The following EFNA2 variants were observed in gnomAD, a reference collection of about 807,000 sequenced individuals.
EFNA2 encodes the protein ephrin-A2.
In EFNA2, 18 loss-of-function variants were observed where a neutral mutation model predicts 19.7. The ratio of observed to expected loss-of-function variants is 0.91; its 90% CI spans 0.63 to 1.35. The LOEUF is 1.35. Ranked by LOEUF, EFNA2 falls within the 40% of genes most tolerant of loss-of-function variation. The pLI, the probability that EFNA2 is intolerant of heterozygous loss-of-function variation, is 0.00. For synonymous variants in EFNA2, 187 were observed against 137.8 expected (o/e 1.36, Z -2.50); for missense variants, 303 against 296.0 (o/e 1.02, Z -0.17).
rs1369905317 is a variant in EFNA2 at position 1,299,917 on chromosome 19, C to G, written c.614C>G (p.Pro205Arg). Residue 205 changes from proline (P) to arginine (R), a missense_variant, in exon 4 of 4, where the codon CCC (proline) becomes CGC (arginine). By Grantham distance (103) the Pro-to-Arg change is moderately radical (BLOSUM62 -2). Transcript: ENST00000215368. ...TGCCGCCTCTTCCTCAGCACCATCC[C>G]CGTGCTCTGGACCCTCCTGGGTTCC... ...GGCRLFLSTIPVLWTLLGS is the reference protein window; with the variant it reads ...GGCRLFLSTIRVLWTLLGS The G allele has an allele frequency of 6.2e-7, 1 of 1,604,576 alleles. No homozygotes were observed. The highest frequency in any genetic ancestry group is 8.5e-7 in the Non-Finnish European group (1 of 1,179,022).
Position 1,294,972 on chromosome 19 carries a change from G to A in EFNA2, c.141-573G>A, listed in dbSNP as rs1407044279. ...GGAGGGACAGCTCGTGCAGAGGCCC[G>A]GAGTCAGGAACCCCCCGCCGGCCCT... On this transcript the variant is annotated intron_variant, in intron 1 of 3. Coordinates refer to ENST00000215368, the MANE Select transcript of EFNA2 (RefSeq NM_001405.4). The surrounding 1 kb of genome is among the most constrained non-coding windows in gnomAD (Gnocchi z 5.8). Among the ~76,000 whole-genome samples the A allele has an allele frequency of 6.6e-6, 1 of 152,040 alleles. No individual in the cohort carries two copies. Among genetic ancestry groups the A allele is most frequent in the Non-Finnish European group, 1.5e-5 (1 of 67,990 alleles).
intron 1 of EFNA2, among the ~76,000 whole-genome samples, chr19:1,291,963 G>A (rs2081493605): frequency 6.6e-6 from 1 of 152,150 alleles, no homozygotes. Context: ...CCCGGCAGAG[G>A]GAACCCGGAG....
rs1352005701 is a variant in EFNA2 at position 1,286,624 on chromosome 19, C to A, written c.140+316C>A. Among the ~76,000 whole-genome samples, 4 of 152,154 alleles carry A rather than the reference C, an allele frequency of 2.6e-5. No homozygotes were observed. The highest frequency in any genetic ancestry group is 5.9e-5 in the Non-Finnish European group (4 of 68,002). On this transcript the variant is annotated intron_variant, in intron 1 of 3. Coordinates refer to ENST00000215368, the MANE Select transcript of EFNA2 (RefSeq NM_001405.4). This position sits in a 1 kb window ranked among gnomAD's most constrained non-coding sequence, Gnocchi z 5.6. The stretch of plus-strand genomic sequence containing the variant: ...TCTGGTACCCTCCGATGCCGGGTAG[C>A]CCCTGAGTTGCCTGCCTGGACTTGG...
In EFNA2 at chr19:1,295,506, C is replaced by T. The variant is rs1400702907; in HGVS notation, c.141-39C>T. On this transcript the variant is annotated intron_variant, in intron 1 of 3. Transcript: ENST00000215368. The surrounding 1 kb of genome is among the most constrained non-coding windows in gnomAD (Gnocchi z 5.8). Reference sequence around the variant, plus strand: ...GCACCCCGACCCGTGCCCCGTTCCTCGCTCCGGGCGCTGACCTCTGGCCGC... The same window carrying T: ...GCACCCCGACCCGTGCCCCGTTCCTTGCTCCGGGCGCTGACCTCTGGCCGC... 3 of 1,500,922 alleles carry T rather than the reference C, an allele frequency of 2.0e-6. No individual in the cohort carries two copies. The highest frequency in any genetic ancestry group is 1.3e-5 in the South Asian group (1 of 78,962). The allele number at this position is 1,500,922 out of a possible 1,614,324, so 93.0% of individuals were successfully genotyped here.
chr19:1,285,613 C>G (rs2081459552), upstream of EFNA2, among the ~76,000 whole-genome samples: 1 of 151,998 alleles, frequency 6.6e-6, no homozygotes, highest in Non-Finnish European at 1.5e-5. This position sits in a 1 kb window ranked among gnomAD's most constrained non-coding sequence, Gnocchi z 4.1. Context: ...CAGGGCCGGG[C>G]CGGGTGGAGC....
rs1371391106 is a variant in EFNA2 at position 1,300,133 on chromosome 19, A to G, written c.*188A>G. 5 of 805,836 alleles carry G rather than the reference A, an allele frequency of 6.2e-6. No individual in the cohort carries two copies. Among genetic ancestry groups the G allele is most frequent in the East Asian group, 3.3e-5 (1 of 29,858 alleles). The allele number at this position is 805,836 out of a possible 1,614,324, so 49.9% of individuals were successfully genotyped here. A position where few individuals can be genotyped will look rare whatever the true frequency, so the allele number is the denominator to read the frequency against. ...CCCAGGACCAGCCCTCAGGGAGGGG[A>G]AACGGCCGAGAGCCCCCCCCCGGAG... On this transcript the variant is annotated 3_prime_UTR_variant, in exon 4 of 4. Transcript: ENST00000215368.
Position 1,299,920 on chromosome 19 carries a change from T to C in EFNA2, c.617T>C (p.Val206Ala). 1 of 1,604,206 alleles carries C rather than the reference T, an allele frequency of 6.2e-7. No homozygotes were observed. The highest frequency in any genetic ancestry group is 8.5e-7 in the Non-Finnish European group (1 of 1,179,000). The part of the protein sequence containing the change: ...GCRLFLSTIP[V>A]LWTLLGS ...CGCCTCTTCCTCAGCACCATCCCCG[T>C]GCTCTGGACCCTCCTGGGTTCCTAG... Residue 206 changes from valine (V) to alanine (A), a missense_variant, in exon 4 of 4, where the codon GTG (valine) becomes GCG (alanine). By Grantham distance (64) the Val-to-Ala change is moderately conservative. Coordinates refer to ENST00000215368, the MANE Select transcript of EFNA2 (RefSeq NM_001405.4).
In EFNA2 at chr19:1,300,613, T is replaced by A. The variant is rs571229973; in HGVS notation, c.*668T>A. ...CCGCGGACCCCCCTGGTGCTCCAGGTTGGGTGAGTCTGAGCCGGAAGGGGT... is the reference window on the plus strand; with the variant it reads ...CCGCGGACCCCCCTGGTGCTCCAGGATGGGTGAGTCTGAGCCGGAAGGGGT... On this transcript the variant is annotated 3_prime_UTR_variant, in exon 4 of 4. Coordinates refer to ENST00000215368, the MANE Select transcript of EFNA2 (RefSeq NM_001405.4). Among the ~76,000 whole-genome samples the A allele has an allele frequency of 1.6e-4, 25 of 152,116 alleles. No homozygotes were observed. Among genetic ancestry groups the A allele is most frequent in the African/African-American group, 5.8e-4 (24 of 41,494 alleles).
intron 1 of EFNA2, among the ~76,000 whole-genome samples, chr19:1,289,289 C>G (rs929260271): frequency 1.3e-5 from 2 of 152,194 alleles, no homozygotes; most frequent in African/African-American, 4.8e-5. Context: ...GTCCGAGGTC[C>G]CTGTGCGTGT....
intron 1 of EFNA2, among the ~76,000 whole-genome samples, chr19:1,291,805 C>T (rs909141664): frequency 1.3e-5 from 2 of 152,130 alleles, no homozygotes; most frequent in Non-Finnish European, 2.9e-5. Flanking sequence ...AGCTCCAGGC[C>T]GCTTGCTGGA....
rs1419476844 is a variant in EFNA2 at position 1,300,361 on chromosome 19, T to C, written c.*416T>C. On this transcript the variant is annotated 3_prime_UTR_variant, in exon 4 of 4. Transcript: ENST00000215368. Reference sequence around the variant, plus strand: ...CCGTTGTAGCGGGGCGGGGTCCCTGTGCCCTGGCCTGGGGGAGGGGAACGC... The same window carrying C: ...CCGTTGTAGCGGGGCGGGGTCCCTGCGCCCTGGCCTGGGGGAGGGGAACGC... 6.4e-6 allele frequency: 1 copy of C among 157,150 alleles called. No homozygotes were observed. The highest frequency in any genetic ancestry group is 1.4e-5 in the Non-Finnish European group (1 of 72,106). The allele number at this position is 157,150 out of a possible 1,614,324, so 9.7% of individuals were successfully genotyped here.
intron 1 of EFNA2, among the ~76,000 whole-genome samples, chr19:1,289,239 G>A (rs1019045514): frequency 1.3e-5 from 2 of 152,374 alleles, no homozygotes; most frequent in Non-Finnish European, 2.9e-5. Context: ...CGTGGCACCC[G>A]CGTTTGCATG....
rs201782617 is a variant in EFNA2, at chr19:1,295,884, C to T, written c.454+26C>T. On this transcript the variant is annotated intron_variant, in intron 2 of 3. Transcript: ENST00000215368. This position sits in a 1 kb window ranked among gnomAD's most constrained non-coding sequence, Gnocchi z 5.8. ...GTGAGTGGGGTCGGGCCGGGGCTGC[C>T]GGGGCCCGAGTGGGCGGGGACGCGG... 15 of 1,250,238 alleles carry T rather than the reference C, an allele frequency of 1.2e-5. No individual in the cohort carries two copies. The highest frequency in any genetic ancestry group is 1.0e-4 in the African/African-American group (6 of 58,426). The allele number at this position is 1,250,238 out of a possible 1,614,324, so 77.4% of individuals were successfully genotyped here. A position where few individuals can be genotyped will look rare whatever the true frequency, so the allele number is the denominator to read the frequency against.
At chr19:1,289,997 G>A (rs2081483973) in intron 1 of EFNA2, among the ~76,000 whole-genome samples, 1 of 151,904 alleles carries the variant, frequency 6.6e-6, no homozygotes, top group African/African-American at 2.4e-5. Flanking sequence ...CTGAGGGTGG[G>A]GTCCTGGAGG....
chr19:1,299,534 G>A (rs1423766605), intron 3 of EFNA2, among the ~76,000 whole-genome samples: 1 of 149,778 alleles, frequency 6.7e-6, no homozygotes, highest in African/African-American at 2.5e-5. Context: ...CCAGCCTGGC[G>A]ACGGTGAGAC....
intron 3 of EFNA2, among the ~76,000 whole-genome samples, chr19:1,299,238 AAAAAT>A (rs1429237189): frequency 9.9e-5 from 15 of 151,668 alleles, no homozygotes; most frequent in Non-Finnish European, 2.2e-4. Context: ...ACTGCGTCTA[AAAAAT>A]AAAATAAAAT....
chr19:1,300,137 G>A lies in EFNA2; in HGVS notation c.*192G>A. On this transcript the variant is annotated 3_prime_UTR_variant, in exon 4 of 4. Transcript: ENST00000215368. The stretch of plus-strand genomic sequence containing the variant: ...GGACCAGCCCTCAGGGAGGGGAAAC[G>A]GCCGAGAGCCCCCCCCCGGAGGCCC... 1 of 764,330 alleles carries A rather than the reference G, an allele frequency of 1.3e-6. No homozygotes were observed. Among genetic ancestry groups the A allele is most frequent in the Admixed American group, 3.7e-5 (1 of 27,098 alleles). 47.3% of individuals were successfully genotyped at this position (764,330 alleles called of 1,614,324 possible).
chr19:1,290,745 G>C, intron 1 of EFNA2, among the ~76,000 whole-genome samples: 1 of 152,304 alleles, frequency 6.6e-6, no homozygotes, highest in South Asian at 2.1e-4. Flanking sequence ...GCTGGGCTTT[G>C]TACCTTGCTG....
Position 1,297,794 on chromosome 19 carries a change from C to T in EFNA2, c.455-757C>T, listed in dbSNP as rs1250345145. On this transcript the variant is annotated intron_variant, in intron 2 of 3. Coordinates refer to ENST00000215368, the MANE Select transcript of EFNA2 (RefSeq NM_001405.4). This position sits in a 1 kb window ranked among gnomAD's most constrained non-coding sequence, Gnocchi z 5.0. ...TTGGAAATAATCTTTCCCAGCCAGG[C>T]GTGGCGGTGGCTCACGCCTGTAATC... 2.6e-5 allele frequency among the ~76,000 whole-genome samples: 4 copies of T among 152,050 alleles called. No individual in the cohort carries two copies. The highest frequency in any genetic ancestry group is 4.1e-4 in the South Asian group (2 of 4,822).
Sources: allele counts gnomAD v4.1 joint callset (sites outside exome capture counted in the v4.1 genomes callset), GRCh38; gene constraint gnomAD v4.1.1; non-coding constraint Gnocchi (gnomAD v3.1); transcripts MANE v1.5; gene names NCBI Gene and HGNC (gene_info 2026-07-23, HGNC 2026-07-21).